The following CNOT10 variants were observed in gnomAD, a reference collection of about 807,000 sequenced individuals.
CNOT10 encodes the protein CCR4-NOT transcription complex subunit 10, also known as CCR4-NOT transcription complex, subunit 10.
A neutral mutation model predicts 94.6 loss-of-function variants in CNOT10; 30 were observed. The ratio of observed to expected loss-of-function variants is 0.32; its 90% CI spans 0.24 to 0.43. The LOEUF (loss-of-function observed/expected upper bound fraction) is 0.43. Among genes scored for constraint, CNOT10 ranks in the 20% least tolerant of loss-of-function variants. The pLI is 1.00. For missense variants in CNOT10, 759 were observed against 877.2 expected (o/e 0.87, Z 1.70); for synonymous variants, 289 against 301.6 (o/e 0.96, Z 0.43).
chr3:32,745,147 G>A (rs1403160383), intron 13 of CNOT10, among the ~76,000 whole-genome samples: 2 of 152,130 alleles, frequency 1.3e-5, no homozygotes, highest in Non-Finnish European at 2.9e-5. Context: ...CCAAAGTGCT[G>A]GGATTACAGG....
At chr3:32,694,368 A>C (rs962478022) in intron 1 of CNOT10, among the ~76,000 whole-genome samples, 2 of 152,154 alleles carry the variant, frequency 1.3e-5, no homozygotes, top group East Asian at 3.8e-4. Context: ...AAGTTGTCTA[A>C]GTTCGGTGTA....
At position 32,714,895 on chromosome 3, in the gene CNOT10, C is replaced by T. The variant is rs538365572; in HGVS notation, c.574-1330C>T. Reference sequence around the variant, plus strand: ...TTTTAAAAGGAGTATTTGCAGGAAACGTTGCCAATACCTTTTTGCCTGTGT... The same window carrying T: ...TTTTAAAAGGAGTATTTGCAGGAAATGTTGCCAATACCTTTTTGCCTGTGT... On this transcript the variant is annotated intron_variant, in intron 5 of 18. Transcript: ENST00000328834. 5.2e-4 allele frequency among the ~76,000 whole-genome samples: 79 copies of T among 152,222 alleles called. No individual in the cohort carries two copies. In the South Asian group the frequency reaches 6.4e-3, roughly 12 times the overall value.
At chr3:32,722,609 GT>G (rs1698471587) in intron 8 of CNOT10, among the ~76,000 whole-genome samples, 1 of 152,160 alleles carries the variant, frequency 6.6e-6, no homozygotes, top group Admixed American at 6.5e-5. Context: ...GGAGTTCGAG[GT>G]TCCAGTGAAT....
intron 9 of CNOT10, among the ~76,000 whole-genome samples, chr3:32,726,966 C>T (rs1358107906): frequency 6.6e-6 from 1 of 150,884 alleles, no homozygotes; most frequent in Non-Finnish European, 1.5e-5. Context: ...CCTGCCTCAG[C>T]CTCCCGAGTA....
chr3:32,730,399 G>T (rs1187680729), intron 10 of CNOT10, among the ~76,000 whole-genome samples: 1 of 151,772 alleles, frequency 6.6e-6, no homozygotes, highest in Non-Finnish European at 1.5e-5. Context: ...TTCTAGAAAA[G>T]TTGTAAATTT....
chr3:32,711,063 C>A (rs1426035732), intron 4 of CNOT10, among the ~76,000 whole-genome samples: 2 of 152,108 alleles, frequency 1.3e-5, no homozygotes, highest in African/African-American at 4.8e-5. Context: ...AGCACATGGT[C>A]CAATACTGTG....
At chr3:32,719,447 C>A (rs1166840352) in intron 7 of CNOT10, among the ~76,000 whole-genome samples, 2 of 152,076 alleles carry the variant, frequency 1.3e-5, no homozygotes, top group Non-Finnish European at 2.9e-5. Context: ...ATCAGGATTC[C>A]AGATGTCCTC....
intron 13 of CNOT10, chr3:32,753,910 A>G: frequency 8.2e-7 from 1 of 1,215,058 alleles, no homozygotes; most frequent in Non-Finnish European, 1.2e-6. Context: ...AAATAAATTA[A>G]TTTGCTCTCA....
intron 13 of CNOT10, chr3:32,754,033 G>T (rs1700085355): frequency 2.1e-6 from 1 of 475,526 alleles, no homozygotes; most frequent in Non-Finnish European, 3.7e-6. Context: ...CCAGGAGGCG[G>T]AGGTTGCAGT....
chr3:32,736,634 G>C (rs530891623), intron 12 of CNOT10, among the ~76,000 whole-genome samples: 1 of 152,210 alleles, frequency 6.6e-6, no homozygotes, highest in East Asian at 1.9e-4. Flanking sequence ...AATTAGTTGA[G>C]TGTGGTGCCA....
At chr3:32,700,536 A>G (rs1434140347) in intron 1 of CNOT10, among the ~76,000 whole-genome samples, 1 of 152,190 alleles carries the variant, frequency 6.6e-6, no homozygotes, top group African/African-American at 2.4e-5. Context: ...ATTGTGCTAC[A>G]TATCAGGGGT....
At chr3:32,701,279 A>G (rs1409682062) in intron 1 of CNOT10, among the ~76,000 whole-genome samples, 2 of 5,144 alleles carry the variant, frequency 3.9e-4, no homozygotes, top group African/African-American at 5.1e-4. Flanking sequence ...TAATATTTAC[A>G]TTACCTATAT....
chr3:32,704,289 C>G (rs1196570208), intron 2 of CNOT10, among the ~76,000 whole-genome samples: 12 of 151,886 alleles, frequency 7.9e-5, no homozygotes, highest in Non-Finnish European at 1.6e-4. Flanking sequence ...TTATTTATTT[C>G]TGAAAATATC....
chr3:32,713,820 A>G (rs1446013274), intron 5 of CNOT10, among the ~76,000 whole-genome samples: 3 of 152,028 alleles, frequency 2.0e-5, no homozygotes, highest in Non-Finnish European at 4.4e-5. Context: ...TTTAGCATAT[A>G]CTTATTTTTG....
chr3:32,761,568 C>G (rs928846581), intron 14 of CNOT10, among the ~76,000 whole-genome samples: 3 of 145,994 alleles, frequency 2.1e-5, no homozygotes, highest in African/African-American at 5.0e-5. Context: ...AATTTTTTTT[C>G]TTTTTCTGAG....
At position 32,685,403 on chromosome 3, in the gene CNOT10, G is replaced by T. The variant is rs1696552939; in HGVS notation, c.-58G>T. 1 of 1,547,000 alleles carries T rather than the reference G, an allele frequency of 6.5e-7. No homozygotes were observed. ...GGAGGTCCAGGACAGCGGCCAGCCCGGCGGCGGGAGTCAGGGCCACGCCAC... is the reference window on the plus strand; with the variant it reads ...GGAGGTCCAGGACAGCGGCCAGCCCTGCGGCGGGAGTCAGGGCCACGCCAC... On this transcript the variant is annotated 5_prime_UTR_variant, in exon 1 of 19. Transcript: ENST00000328834.
chr3:32,713,829 TG>T (rs199904810), intron 5 of CNOT10, among the ~76,000 whole-genome samples: 10 of 152,344 alleles, frequency 6.6e-5, no homozygotes, highest in African/African-American at 1.9e-4. Context: ...TACTTATTTT[TG>T]TTTCATGTAC....
chr3:32,763,894 G>A (rs1038626769), intron 15 of CNOT10, among the ~76,000 whole-genome samples: 6 of 152,136 alleles, frequency 3.9e-5, no homozygotes, highest in Admixed American at 3.9e-4. Flanking sequence ...ACTTTGGGAG[G>A]CTGTGGTGGG....
chr3:32,773,859 A>G lies in CNOT10; in HGVS notation c.*248A>G. 1 of 377,944 alleles carries G rather than the reference A, an allele frequency of 2.6e-6. No homozygotes were observed. Among genetic ancestry groups the G allele is most frequent in the Non-Finnish European group, 4.7e-6 (1 of 213,880 alleles). 23.4% of individuals were successfully genotyped at this position (377,944 alleles called of 1,614,324 possible). A position where few individuals can be genotyped will look rare whatever the true frequency, so the allele number is the denominator to read the frequency against. On this transcript the variant is annotated 3_prime_UTR_variant, in exon 19 of 19. Coordinates refer to ENST00000328834, the MANE Select transcript of CNOT10 (RefSeq NM_015442.3). Reference sequence around the variant, plus strand: ...GTAATATATGCCATAGGCAATTAAAACATAATTTTATCAGAAGTCTTTTAC... The same window carrying G: ...GTAATATATGCCATAGGCAATTAAAGCATAATTTTATCAGAAGTCTTTTAC...
Sources: gnomAD v4.1 joint callset for allele counts (sites outside exome capture counted in the v4.1 genomes callset) on GRCh38, gnomAD v4.1.1 for gene constraint, MANE v1.5 for transcripts, NCBI Gene and HGNC (gene_info 2026-07-23, HGNC 2026-07-21) for gene names.